NARS2: variants seen among roughly 807,000 people sequenced by gnomAD.
The protein encoded by NARS2 is asparaginyl-tRNA synthetase.
NARS2 carries 60 observed loss-of-function variants against 62.9 expected under a neutral mutation model. That is an observed-to-expected ratio of 0.95 (90% CI 0.77 to 1.18). NARS2 has a LOEUF of 1.18. Among genes scored for constraint, NARS2 ranks in the 50% most tolerant of loss-of-function variants. NARS2 has a pLI of 0.00. For missense variants in NARS2, 619 were observed against 576.4 expected (o/e 1.07, Z -0.76); for synonymous variants, 196 against 200.0 (o/e 0.98, Z 0.17).
intron 11 of NARS2, among the ~76,000 whole-genome samples, chr11:78,459,043 G>A (rs998378887): frequency 6.6e-6 from 1 of 151,548 alleles, no homozygotes; most frequent in South Asian, 2.1e-4. Flanking sequence ...TCAGCCTCCC[G>A]AGCTGGGACT....
intron 6 of NARS2, among the ~76,000 whole-genome samples, chr11:78,498,979 C>T (rs1277306528): frequency 9.7e-5 from 12 of 123,538 alleles, no homozygotes; most frequent in African/African-American, 2.4e-4. Flanking sequence ...TGCAGTGGCA[C>T]GATCTCGGCT....
At chr11:78,466,964 C>A (rs1858647917) in intron 10 of NARS2, among the ~76,000 whole-genome samples, 1 of 132,694 alleles carries the variant, frequency 7.5e-6, no homozygotes, top group South Asian at 2.3e-4. Context: ...ATGAAGCTTC[C>A]AGGGTTAGGA....
chr11:78,557,279 C>T (rs974416764), intron 5 of NARS2, among the ~76,000 whole-genome samples: 10 of 152,034 alleles, frequency 6.6e-5, no homozygotes, highest in African/African-American at 2.4e-4. Context: ...TGCACCATTA[C>T]GAGAAGCAAG....
chr11:78,556,248 G>T (rs530585640), intron 5 of NARS2, among the ~76,000 whole-genome samples: 1 of 152,222 alleles, frequency 6.6e-6, no homozygotes, highest in East Asian at 1.9e-4. Flanking sequence ...CATTTTGAAG[G>T]TTTTTCTGAC....
intron 6 of NARS2, among the ~76,000 whole-genome samples, chr11:78,497,496 A>AC (rs1425016012): frequency 6.6e-6 from 1 of 152,062 alleles, no homozygotes; most frequent in Non-Finnish European, 1.5e-5. Flanking sequence ...TTCCCAAACC[A>AC]CCCCCAACCT....
At chr11:78,562,791 CA>C (rs1272179722) in intron 4 of NARS2, among the ~76,000 whole-genome samples, 3 of 152,144 alleles carry the variant, frequency 2.0e-5, no homozygotes, top group African/African-American at 7.2e-5. Flanking sequence ...TTTTCATACT[CA>C]AACCAAGAAA....
At chr11:78,491,062 A>G (rs1859798406) in intron 7 of NARS2, among the ~76,000 whole-genome samples, 1 of 152,208 alleles carries the variant, frequency 6.6e-6, no homozygotes, top group African/African-American at 2.4e-5. Context: ...GAATTAGGGG[A>G]TGGGCTCAAG....
chr11:78,558,708 G>C (rs940185862), intron 5 of NARS2: 1 of 152,222 alleles, frequency 6.6e-6, no homozygotes, highest in Non-Finnish European at 1.5e-5. Flanking sequence ...ACAATGCCTG[G>C]CATATACTAG....
At chr11:78,506,999 G>C (rs923290389) in intron 6 of NARS2, among the ~76,000 whole-genome samples, 2 of 152,130 alleles carry the variant, frequency 1.3e-5, no homozygotes, top group African/African-American at 4.8e-5. Context: ...AGCTGTGCAC[G>C]TCTTCCTGGA....
chr11:78,447,031 G>A (rs1382930386), intron 11 of NARS2, among the ~76,000 whole-genome samples: 1 of 143,370 alleles, frequency 7.0e-6, no homozygotes, highest in East Asian at 2.1e-4. Context: ...TAAAGGAACT[G>A]AACAGACATT....
chr11:78,464,120 T>A (rs531136695), intron 11 of NARS2, among the ~76,000 whole-genome samples: 13 of 152,166 alleles, frequency 8.5e-5, no homozygotes, highest in African/African-American at 2.4e-4. Context: ...TCTGGCTGGC[T>A]CAGGAGTGAA....
At chr11:78,532,682 G>A (rs1444681521) in intron 5 of NARS2, among the ~76,000 whole-genome samples, 1 of 152,024 alleles carries the variant, frequency 6.6e-6, no homozygotes, top group Non-Finnish European at 1.5e-5. Flanking sequence ...AGATTAAATG[G>A]TGCCCCTTAC....
At chr11:78,538,106 T>G (rs1003818235) in intron 5 of NARS2, among the ~76,000 whole-genome samples, 1 of 152,192 alleles carries the variant, frequency 6.6e-6, no homozygotes, top group African/African-American at 2.4e-5. Flanking sequence ...CCATGCTCTA[T>G]ATGCTACCAA....
At chr11:78,469,481 G>A (rs1398092465) in intron 9 of NARS2, among the ~76,000 whole-genome samples, 168 bp from the exon 10 acceptor site, 1 of 152,204 alleles carries the variant, frequency 6.6e-6, no homozygotes, top group Non-Finnish European at 1.5e-5. Flanking sequence ...CTGAAGACAA[G>A]TAACCATTCA....
intron 11 of NARS2, among the ~76,000 whole-genome samples, chr11:78,454,680 G>A (rs1032789822): frequency 4.6e-5 from 7 of 150,792 alleles, no homozygotes; most frequent in African/African-American, 9.8e-5. Flanking sequence ...GTGCAGTGGC[G>A]TGATCTCGGC....
chr11:78,440,930 A>T (rs1857558588), intron 13 of NARS2, among the ~76,000 whole-genome samples, 161 bp downstream of exon 13: 1 of 152,228 alleles, frequency 6.6e-6, no homozygotes, highest in African/African-American at 2.4e-5. Flanking sequence ...AAAGGAAGTA[A>T]GTAATCTTCT....
intron 13 of NARS2, 31 bp from the exon 14 acceptor site, chr11:78,436,845 A>C (rs149570531): frequency 6.3e-7 from 1 of 1,598,936 alleles, no homozygotes; most frequent in Admixed American, 1.7e-5. Context: ...ATCATCATCT[A>C]TATATAGTAT....
chr11:78,470,531 T>C (rs946129480), intron 9 of NARS2, among the ~76,000 whole-genome samples: 1 of 152,198 alleles, frequency 6.6e-6, no homozygotes, highest in African/African-American at 2.4e-5. Flanking sequence ...TTTACTAATA[T>C]ACCTTGCAGA....
rs139567535 is a variant in NARS2, at chr11:78,482,482, A to G, written c.823-3799T>C. Among the ~76,000 whole-genome samples the G allele has an allele frequency of 2.5e-3, 375 of 152,106 alleles. 1 individual carries two copies. The highest frequency in any genetic ancestry group is 8.2e-3 in the African/African-American group (340 of 41,542). On this transcript the variant is annotated intron_variant, in intron 7 of 13. Transcript: ENST00000281038. ...GAGCTGGTTTTTTGAAAAGATTAAC[A>G]AATAGGCCGCTAGCTAGACTAATAA...
Sources: gnomAD v4.1 joint callset for allele counts (sites outside exome capture counted in the v4.1 genomes callset) on GRCh38, gnomAD v4.1.1 for gene constraint, MANE v1.5 for transcripts, NCBI Gene and HGNC (gene_info 2026-07-23, HGNC 2026-07-21) for gene names.